The following PCDH15 variants were observed in gnomAD, a reference collection of about 807,000 sequenced individuals.
PCDH15 encodes the protein protocadherin-15.
In PCDH15, 129 loss-of-function variants were observed where a neutral mutation model predicts 178.5. The ratio of observed to expected loss-of-function variants is 0.72; its 90% CI spans 0.63 to 0.84. PCDH15 has a LOEUF of 0.84. PCDH15 is among the 40% of genes least tolerant of loss of function. The probability of loss-of-function intolerance (pLI) is 0.00; values close to 1 mark genes in which losing one functional copy is unlikely to be tolerated. For synonymous variants in PCDH15, 800 were observed against 732.0 expected (o/e 1.09, Z -1.50); for missense variants, 2,230 against 2,099.9 (o/e 1.06, Z -1.21).
At chr10:54,341,121 G>A (rs142076407) in intron 6 of PCDH15, among the ~76,000 whole-genome samples, 77 of 152,160 alleles carry the variant, frequency 5.1e-4, no homozygotes, top group Middle Eastern at 3.4e-3. Context: ...ATCACCTGAC[G>A]ATCAGCTGAC....
chr10:54,990,307 T>A (rs989213781), intron 2 of PCDH15, among the ~76,000 whole-genome samples: 1 of 152,222 alleles, frequency 6.6e-6, no homozygotes, highest in Non-Finnish European at 1.5e-5. Flanking sequence ...CCATTTTTTT[T>A]AAATGACACA....
chr10:54,163,675 T>C (rs2045934412), intron 13 of PCDH15, among the ~76,000 whole-genome samples: 1 of 152,106 alleles, frequency 6.6e-6, no homozygotes, highest in Non-Finnish European at 1.5e-5. Flanking sequence ...TGAAGTTCAA[T>C]AAATTAGTTT....
At chr10:54,769,463 T>C (rs1283502809) in intron 1 of PCDH15, among the ~76,000 whole-genome samples, 1 of 151,684 alleles carries the variant, frequency 6.6e-6, no homozygotes, top group Non-Finnish European at 1.5e-5. Context: ...TTTCAAAAAT[T>C]AGTGACTTTA....
chr10:54,457,647 G>C (rs1029677444), intron 3 of PCDH15, among the ~76,000 whole-genome samples: 2 of 151,874 alleles, frequency 1.3e-5, no homozygotes, highest in Admixed American at 1.3e-4. Flanking sequence ...GAAAATTCTA[G>C]GCATAAAAAT....
intron 2 of PCDH15, among the ~76,000 whole-genome samples, chr10:55,411,513 G>T (rs1007966893): frequency 2.6e-5 from 4 of 152,028 alleles, no homozygotes; most frequent in African/African-American, 9.7e-5. Context: ...TAACACTTCT[G>T]CCCCTAAACT....
At chr10:55,622,310 A>G (rs916291600) in intron 2 of PCDH15, among the ~76,000 whole-genome samples, 7 of 151,162 alleles carry the variant, frequency 4.6e-5, no homozygotes, top group Non-Finnish European at 1.0e-4. Flanking sequence ...CGCCTGGCCC[A>G]CAGTTAAATA....
chr10:54,183,395 C>T, intron 13 of PCDH15, 49 bp downstream of exon 13: 3 of 1,520,598 alleles, frequency 2.0e-6, no homozygotes, highest in Non-Finnish European at 2.7e-6. Context: ...GTATAATGCA[C>T]ATGTAAATAA....
At chr10:54,850,494 G>A (rs548638990) in intron 3 of PCDH15, among the ~76,000 whole-genome samples, 114 of 152,076 alleles carry the variant, frequency 7.5e-4, no homozygotes, top group African/African-American at 2.7e-3. Flanking sequence ...TTATGCTTTT[G>A]CATCCTTATA....
At chr10:54,230,771 G>GA (rs952293738) in intron 9 of PCDH15, among the ~76,000 whole-genome samples, 8 of 151,830 alleles carry the variant, frequency 5.3e-5, no homozygotes, top group Admixed American at 1.3e-4. Context: ...TGAAAAATTA[G>GA]AAAAAATACT....
intron 2 of PCDH15, among the ~76,000 whole-genome samples, chr10:55,373,264 C>T (rs1259345659): frequency 6.6e-6 from 1 of 152,004 alleles, no homozygotes; most frequent in African/African-American, 2.4e-5. Context: ...AGCTCTGATA[C>T]CTTTATTAAA....
At chr10:55,314,058 A>G (rs1454831372) in intron 1 of PCDH15, among the ~76,000 whole-genome samples, 2 of 151,798 alleles carry the variant, frequency 1.3e-5, no homozygotes, top group African/African-American at 4.8e-5. Context: ...CATGATGCAC[A>G]CCCAGTTACT....
At chr10:55,616,438 A>C (rs1482858192) in intron 2 of PCDH15, among the ~76,000 whole-genome samples, 1 of 152,156 alleles carries the variant, frequency 6.6e-6, no homozygotes, top group Admixed American at 6.6e-5. Flanking sequence ...CCATGTATTA[A>C]TAGTTACATC....
At chr10:55,110,026 T>G (rs1363159382) in intron 2 of PCDH15, among the ~76,000 whole-genome samples, 1 of 151,486 alleles carries the variant, frequency 6.6e-6, no homozygotes, top group African/African-American at 2.4e-5. Flanking sequence ...TATATATTAT[T>G]TGTTGTATTA....
chr10:54,995,721 C>T (rs545278040), intron 2 of PCDH15, among the ~76,000 whole-genome samples: 15 of 151,774 alleles, frequency 9.9e-5, no homozygotes, highest in African/African-American at 3.6e-4. Flanking sequence ...AGGAAACCAC[C>T]AATGGGGGGC....
At chr10:54,693,373 T>C (rs992469250) in intron 1 of PCDH15, among the ~76,000 whole-genome samples, 12 of 152,174 alleles carry the variant, frequency 7.9e-5, no homozygotes, top group African/African-American at 2.9e-4. Context: ...AACAACACCA[T>C]GTGTTAGTTA....
Position 54,329,763 on chromosome 10 carries a change from C to G in PCDH15, c.595-57G>C, listed in dbSNP as rs866015851. 1.4e-5 allele frequency: 16 copies of G among 1,158,208 alleles called. 1 individual carries two copies. The Middle Eastern group carries it at 8.2e-4, about 60-fold the overall frequency. The allele number at this position is 1,158,208 out of a possible 1,614,324, so 71.7% of individuals were successfully genotyped here. On this transcript the variant is annotated intron_variant, in intron 6 of 37. Coordinates refer to ENST00000644397, the MANE Select transcript of PCDH15 (RefSeq NM_001384140.1). ...ATTTGAATGTAAGATGAATTAATAA[C>G]TCAATATTTTGGATTAATCCTCTTG...
intron 2 of PCDH15, among the ~76,000 whole-genome samples, chr10:55,477,484 T>C (rs1287051949): frequency 6.6e-6 from 1 of 151,898 alleles, no homozygotes; most frequent in East Asian, 1.9e-4. Flanking sequence ...TTCAGTGACT[T>C]AAGGATATAG....
At chr10:54,338,958 A>G (rs1238062002) in intron 6 of PCDH15, among the ~76,000 whole-genome samples, 1 of 152,204 alleles carries the variant, frequency 6.6e-6, no homozygotes, top group Non-Finnish European at 1.5e-5. Flanking sequence ...CAGAATACCT[A>G]TATTTAGATT....
chr10:55,400,326 T>TG (rs1490721712), intron 2 of PCDH15, among the ~76,000 whole-genome samples: 3 of 152,130 alleles, frequency 2.0e-5, no homozygotes, highest in African/African-American at 2.4e-5. Context: ...TTCAAGTCTC[T>TG]GCCACCAAAA....
Sources: gnomAD v4.1 joint callset for allele counts (sites outside exome capture counted in the v4.1 genomes callset) on GRCh38, gnomAD v4.1.1 for gene constraint, MANE v1.5 for transcripts, NCBI Gene and HGNC (gene_info 2026-07-23, HGNC 2026-07-21) for gene names.